BIRC6: variants seen among roughly 807,000 people sequenced by gnomAD.
BIRC6 encodes the protein baculoviral IAP repeat containing 6, also known as dual E2 ubiquitin-conjugating enzyme/E3 ubiquitin-protein ligase BIRC6.
A neutral mutation model predicts 503.3 loss-of-function variants in BIRC6; 98 were observed. The observed-to-expected ratio is 0.19, with a 90% CI of 0.17 to 0.23. The LOEUF (loss-of-function observed/expected upper bound fraction) is 0.23, where lower values mean the gene tolerates loss of function less well. Among genes scored for constraint, BIRC6 ranks in the 10% least tolerant of loss-of-function variants. The pLI is 1.00. For missense variants in BIRC6, 5,360 were observed against 5,806.0 expected, an observed-to-expected ratio of 0.92 and a Z score of 2.50; for synonymous variants, 2,240 against 2,078.7, an observed-to-expected ratio of 1.08 and a Z score of -2.11.
intron 1 of BIRC6, among the ~76,000 whole-genome samples, chr2:32,364,003 ATC>A (rs1162388998): frequency 6.6e-6 from 1 of 152,246 alleles, no homozygotes; most frequent in Non-Finnish European, 1.5e-5. Flanking sequence ...TTGGATAAAT[ATC>A]TTTTAGTGTA....
intron 65 of BIRC6, among the ~76,000 whole-genome samples, chr2:32,569,919 T>C (rs888051438): frequency 2.0e-5 from 3 of 152,114 alleles, no homozygotes; most frequent in Non-Finnish European, 4.4e-5. Flanking sequence ...GCCTTTTTTT[T>C]TTCCCTTGCC....
chr2:32,456,364 G>A (rs1558776007), intron 23 of BIRC6, among the ~76,000 whole-genome samples: 2 of 152,126 alleles, frequency 1.3e-5, no homozygotes, highest in Non-Finnish European at 2.9e-5. Flanking sequence ...TTTCATTGCT[G>A]TTTAGGATTC....
intron 37 of BIRC6, among the ~76,000 whole-genome samples, chr2:32,479,922 T>C (rs1218456479): frequency 6.6e-6 from 1 of 152,304 alleles, no homozygotes; most frequent in East Asian, 1.9e-4. Context: ...AAAGCTCTTA[T>C]TCTTTAAGAT....
chr2:32,525,405 T>C, intron 58 of BIRC6, 59 bp from the exon 59 acceptor site: 3 of 1,570,132 alleles, frequency 1.9e-6, no homozygotes, highest in Admixed American at 1.7e-5. Flanking sequence ...TTAGGAACAC[T>C]GTTTTCCTTC....
At chr2:32,462,624 T>G (rs559810754) in intron 23 of BIRC6, among the ~76,000 whole-genome samples, 22 of 152,332 alleles carry the variant, frequency 1.4e-4, no homozygotes, top group African/African-American at 5.1e-4. Context: ...TACTTTCATT[T>G]TTAATGATCA....
chr2:32,384,378 A>G (rs1193116860), intron 3 of BIRC6, among the ~76,000 whole-genome samples: 1 of 139,196 alleles, frequency 7.2e-6, no homozygotes, highest in Non-Finnish European at 1.6e-5. Flanking sequence ...TGGAAAAAAG[A>G]TTTTTTTTTT....
Position 32,442,471 on chromosome 2 carries a change from A to G in BIRC6, c.4238+16A>G. The G allele has an allele frequency of 6.3e-7, 1 of 1,582,498 alleles. No individual in the cohort carries two copies. Among genetic ancestry groups the G allele is most frequent in the East Asian group, 2.3e-5 (1 of 44,166 alleles). On this transcript the variant is annotated intron_variant, in intron 19 of 73. Transcript: ENST00000421745. ...TGTGCATTAGGTTGGTATGTTTTTA[A>G]GTTGAAAGCATACTTTCTAGGTACA...
At chr2:32,482,702 C>A in intron 39 of BIRC6, 120 bp downstream of exon 39, 2 of 1,035,630 alleles carry the variant, frequency 1.9e-6, no homozygotes, top group Non-Finnish European at 2.8e-6. Flanking sequence ...AGTATCACAG[C>A]TGTGCCGTGA....
At chr2:32,412,765 G>A in intron 9 of BIRC6, among the ~76,000 whole-genome samples, 1 of 152,034 alleles carries the variant, frequency 6.6e-6, no homozygotes, top group East Asian at 1.9e-4. Context: ...CTCCTTCAGA[G>A]TGGTGAAAGA....
At chr2:32,464,472 G>T (rs2048319045) in intron 24 of BIRC6, 37 bp from the exon 25 acceptor site, 1 of 1,514,194 alleles carries the variant, frequency 6.6e-7, no homozygotes, top group African/African-American at 1.4e-5. Flanking sequence ...AGGTAGGCAG[G>T]ATTAGTCTAT....
chr2:32,440,902 A>G (rs1255528359), intron 16 of BIRC6, among the ~76,000 whole-genome samples: 1 of 151,854 alleles, frequency 6.6e-6, no homozygotes, highest in Admixed American at 6.6e-5. Flanking sequence ...AGTGGGATTA[A>G]AGGCACTTAC....
chr2:32,465,466 T>C (rs1265348867), intron 26 of BIRC6, among the ~76,000 whole-genome samples: 2 of 152,078 alleles, frequency 1.3e-5, no homozygotes, highest in Non-Finnish European at 2.9e-5. Flanking sequence ...TACTAGAAAT[T>C]ACACTCAAAA....
intron 55 of BIRC6, 109 bp from the exon 56 acceptor site, chr2:32,518,145 G>C: frequency 9.5e-7 from 1 of 1,057,122 alleles, no homozygotes; most frequent in South Asian, 1.6e-5. Context: ...CTACTGATTT[G>C]ATATGTTAAA....
At chr2:32,555,459 T>C (rs554155839) in intron 65 of BIRC6, among the ~76,000 whole-genome samples, 1 of 150,560 alleles carries the variant, frequency 6.6e-6, no homozygotes, top group African/African-American at 2.4e-5. Flanking sequence ...ACCAACACGG[T>C]GAAACCCCGT....
At chr2:32,464,907 A>C (rs575172249) in intron 25 of BIRC6, 84 bp downstream of exon 25, 2 of 1,479,116 alleles carry the variant, frequency 1.4e-6, no homozygotes, top group East Asian at 2.3e-5. Context: ...CAAAATTTTT[A>C]ATACCAACTA....
At position 32,388,873 on chromosome 2, in the gene BIRC6, G is replaced by C. The variant is rs1426493688; in HGVS notation, c.769G>C (p.Asp257His). The change falls in exon 4 of 74, where the codon GAC becomes CAC. Residue 257 changes from aspartate to histidine, a missense_variant. By Grantham distance (81) the Asp-to-His change is moderately conservative. Around this residue, in one of 16 missense-constraint regions of BIRC6, gnomAD observed 134 missense variants for 150.9 expected, o/e 0.89. Transcript: ENST00000421745. ...AALPVASSVM[D>H]RLSYLLPSAR... ...CTTACCTGTGGCGTCCTCAGTGATG[G>C]ACAGATTGTCTTACCTCTTACCTAG... 6.2e-7 allele frequency: 1 copy of C among 1,612,692 alleles called. No homozygotes were observed. Among genetic ancestry groups the C allele is most frequent in the African/African-American group, 1.3e-5 (1 of 74,886 alleles).
At chr2:32,467,074 G>A (rs577068032) in intron 26 of BIRC6, among the ~76,000 whole-genome samples, 5 of 149,974 alleles carry the variant, frequency 3.3e-5, no homozygotes, top group African/African-American at 1.2e-4. Flanking sequence ...AGCAGAGATC[G>A]CGCCACTGCA....
chr2:32,471,993 A>C (rs1195579721), intron 32 of BIRC6, among the ~76,000 whole-genome samples: 1 of 152,250 alleles, frequency 6.6e-6, no homozygotes, highest in Non-Finnish European at 1.5e-5. Context: ...TGATTTTTAA[A>C]AAATAATGTA....
intron 6 of BIRC6, among the ~76,000 whole-genome samples, chr2:32,398,437 C>T (rs940065906): frequency 1.2e-4 from 19 of 152,046 alleles, no homozygotes; most frequent in Non-Finnish European, 2.4e-4. Flanking sequence ...AGAAATCTTT[C>T]GTGTTAATAG....
Sources: gnomAD v4.1 joint callset for allele counts (sites outside exome capture counted in the v4.1 genomes callset) on GRCh38, gnomAD v4.1.1 for gene constraint, gnomAD v4.1.1 regional missense constraint, MANE v1.5 for transcripts, NCBI Gene and HGNC (gene_info 2026-07-23, HGNC 2026-07-21) for gene names.